SUSD5: variants seen among roughly 807,000 people sequenced by gnomAD.
SUSD5 encodes sushi domain containing 5, also known as sushi domain-containing protein 5.
In SUSD5, 33 loss-of-function variants were observed where a neutral mutation model predicts 29.5. That is an observed-to-expected ratio of 1.12 (90% confidence interval 0.85 to 1.49). The LOEUF is 1.49. Among genes scored for constraint, SUSD5 ranks in the 40% most tolerant of loss-of-function variants. SUSD5 has a pLI of 0.00. For missense variants in SUSD5, 776 were observed against 800.6 expected, an observed-to-expected ratio of 0.97 and a Z score of 0.37; for synonymous variants, 308 against 325.3, an observed-to-expected ratio of 0.95 and a Z score of 0.57.
chr3:33,192,587 C>T (rs2125627004), intron 3 of SUSD5, among the ~76,000 whole-genome samples: 1 of 151,810 alleles, frequency 6.6e-6, no homozygotes, highest in East Asian at 2.0e-4. Context: ...GCAGGTGGAT[C>T]ACCTGAGGTC....
intron 3 of SUSD5, among the ~76,000 whole-genome samples, chr3:33,192,372 C>G (rs1329272454): frequency 6.6e-6 from 1 of 151,138 alleles, no homozygotes; most frequent in African/African-American, 2.4e-5. Context: ...GGATTACAGG[C>G]ATGAGCCACC....
In SUSD5 at chr3:33,218,770, C is replaced by T; in HGVS notation, c.28G>A (p.Ala10Thr). 1 of 1,435,300 alleles carries T rather than the reference C, an allele frequency of 7.0e-7. No individual in the cohort carries two copies. Among genetic ancestry groups the T allele is most frequent in the Admixed American group, 2.8e-5 (1 of 36,110 alleles). The allele number at this position is 1,435,300 out of a possible 1,614,324, so 88.9% of individuals were successfully genotyped here. A position where few individuals can be genotyped will look rare whatever the true frequency, so the allele number is the denominator to read the frequency against. Residue 10 changes from alanine to threonine, a missense_variant, in exon 1 of 5, where the codon GCC becomes ACC. Ala to Thr is a moderately conservative substitution (Grantham distance 58). Coordinates refer to ENST00000309558, the MANE Select transcript of SUSD5 (RefSeq NM_015551.2). ...CCGGGGAGGCGTCTGTGCCAACGGG[C>T]AGGCGGGCTGGGTCCCTCGGCAGTC... Reference protein sequence around the residue: MTAEGPSPPARWHRRLPGLW... With the variant: MTAEGPSPPTRWHRRLPGLW...
chr3:33,194,510 T>C (rs1347217756), intron 3 of SUSD5, among the ~76,000 whole-genome samples: 1 of 152,054 alleles, frequency 6.6e-6, no homozygotes, highest in Non-Finnish European at 1.5e-5. Context: ...GCCAGACATA[T>C]ACAAAGAAAA....
intron 3 of SUSD5, among the ~76,000 whole-genome samples, chr3:33,192,370 G>A (rs550515968): frequency 6.6e-6 from 1 of 151,072 alleles, no homozygotes; most frequent in East Asian, 2.0e-4. Context: ...TGGGATTACA[G>A]GCATGAGCCA....
chr3:33,218,619 C>A (rs922453417), intron 1 of SUSD5, 67 bp downstream of exon 1: 5 of 1,220,850 alleles, frequency 4.1e-6, no homozygotes, highest in Non-Finnish European at 4.1e-6. Context: ...GCAGCCCCGG[C>A]GAGCTACGCC....
chr3:33,197,667 TC>T (rs1477312500), intron 3 of SUSD5, among the ~76,000 whole-genome samples: 3 of 152,210 alleles, frequency 2.0e-5, no homozygotes, highest in Non-Finnish European at 4.4e-5. Context: ...TAAGCTACTT[TC>T]GCTCACTGGT....
At chr3:33,206,391 T>A (rs1450519304) in intron 3 of SUSD5, among the ~76,000 whole-genome samples, 1 of 147,568 alleles carries the variant, frequency 6.8e-6, no homozygotes, top group Non-Finnish European at 1.5e-5. Flanking sequence ...AATAAATAAA[T>A]AAAAATAAAA....
At chr3:33,165,129 C>T (rs1332593239) in intron 4 of SUSD5, among the ~76,000 whole-genome samples, 1 of 151,968 alleles carries the variant, frequency 6.6e-6, no homozygotes, top group Admixed American at 6.6e-5. Flanking sequence ...TATAATAGCC[C>T]CAAACATGAA....
chr3:33,200,995 G>C (rs1292133033), intron 3 of SUSD5, among the ~76,000 whole-genome samples: 3 of 152,254 alleles, frequency 2.0e-5, no homozygotes, highest in African/African-American at 7.2e-5. Flanking sequence ...TAAGCAAAAA[G>C]GAACCAGAAC....
chr3:33,190,880 T>A (rs2031877539), intron 3 of SUSD5, among the ~76,000 whole-genome samples: 1 of 152,132 alleles, frequency 6.6e-6, no homozygotes, highest in African/African-American at 2.4e-5. Flanking sequence ...TTCTGAGGGC[T>A]CATTCATCTC....
intron 3 of SUSD5, among the ~76,000 whole-genome samples, chr3:33,193,520 G>T (rs1334050989): frequency 6.6e-6 from 1 of 152,162 alleles, no homozygotes; most frequent in Non-Finnish European, 1.5e-5. Context: ...ATTTTGATGG[G>T]CCACAAGCAA....
intron 4 of SUSD5, among the ~76,000 whole-genome samples, chr3:33,173,878 G>A (rs1330818062): frequency 6.6e-6 from 1 of 152,178 alleles, no homozygotes; most frequent in Non-Finnish European, 1.5e-5. Flanking sequence ...TGCCCCAATC[G>A]CCTGCTGGCT....
chr3:33,207,955 A>G (rs1270313934), intron 2 of SUSD5, 29 bp from the exon 3 acceptor site: 1 of 1,545,686 alleles, frequency 6.5e-7, no homozygotes, highest in African/African-American at 1.4e-5. Context: ...GCACTGAATG[A>G]GGAAAACTCT....
At position 33,152,099 on chromosome 3, in the gene SUSD5, G is replaced by C. The variant is rs543351945; in HGVS notation, c.*643C>G. ...TATCATGACTATTTATAAAATTTCA[G>C]GGCATGAAGCTGGTGATTTTCTTTC... On this transcript the variant is annotated 3_prime_UTR_variant, in exon 5 of 5. Coordinates refer to ENST00000309558, the MANE Select transcript of SUSD5 (RefSeq NM_015551.2). 1 of 152,244 alleles carries C rather than the reference G, an allele frequency of 6.6e-6. No individual in the cohort carries two copies. Among genetic ancestry groups the C allele is most frequent in the Admixed American group, 6.5e-5 (1 of 15,292 alleles). The allele number at this position is 152,244 out of a possible 1,614,324, so 9.4% of individuals were successfully genotyped here. A position where few individuals can be genotyped will look rare whatever the true frequency, so the allele number is the denominator to read the frequency against.
intron 4 of SUSD5, among the ~76,000 whole-genome samples, chr3:33,156,045 C>CTTTTTTTTTTTTTTTTTTTTTT (rs924820623): frequency 6.9e-6 from 1 of 145,374 alleles, no homozygotes; most frequent in Admixed American, 6.9e-5. Flanking sequence ...AAAAATGCAT[C>CTTTTTTTTTTTTTTTTTTTTTT]TTTTTTTTTT....
intron 1 of SUSD5, 76 bp from the exon 2 acceptor site, chr3:33,214,181 A>G: frequency 4.9e-6 from 7 of 1,431,590 alleles, no homozygotes; most frequent in Non-Finnish European, 6.6e-6. Flanking sequence ...ATCCTCTGGC[A>G]GACGCCAGTT....
chr3:33,201,050 G>A lies in SUSD5; in HGVS notation c.409+6758C>T, dbSNP rs150766256. Among the ~76,000 whole-genome samples the A allele has an allele frequency of 8.5e-3, 1,289 of 152,268 alleles. 23 individuals are homozygous for A. Among genetic ancestry groups the A allele is most frequent in the African/African-American group, 0.029 (1,191 of 41,534 alleles). The stretch of plus-strand genomic sequence containing the variant: ...TCAGCTTATCATTATTGAAAACAAT[G>A]AGAAACCCTGTTTTGGAAAGAACAG... On this transcript the variant is annotated intron_variant, in intron 3 of 4. Coordinates refer to ENST00000309558, the MANE Select transcript of SUSD5 (RefSeq NM_015551.2).
At chr3:33,180,283 T>C (rs1265430510) in intron 3 of SUSD5, among the ~76,000 whole-genome samples, 1 of 152,222 alleles carries the variant, frequency 6.6e-6, no homozygotes, top group African/African-American at 2.4e-5. Flanking sequence ...AACAGTGATA[T>C]TGGTGATCCT....
intron 3 of SUSD5, among the ~76,000 whole-genome samples, chr3:33,192,249 C>T (rs201841632): frequency 0.3 from 39,137 of 131,752 alleles, 5,770 homozygotes; most frequent in East Asian, 0.47. Context: ...AATTTTTTTT[C>T]TTTTTTTTTT....
Sources: allele counts gnomAD v4.1 joint callset (sites outside exome capture counted in the v4.1 genomes callset), GRCh38; gene constraint gnomAD v4.1.1; transcripts MANE v1.5; gene names NCBI Gene and HGNC (gene_info 2026-07-23, HGNC 2026-07-21).